Variants in CPT1C observed in about 807,000 individuals in gnomAD.
CPT1C encodes palmitoyl thioesterase CPT1C.
Under a neutral mutation model 97.3 loss-of-function variants are expected in CPT1C, and 61 were observed. The ratio of observed to expected loss-of-function variants is 0.63; its 90% CI spans 0.51 to 0.78. The LOEUF is 0.78. Ranked by LOEUF, CPT1C falls within the 30% of genes least tolerant of loss-of-function variation. The pLI, the probability that CPT1C is intolerant of heterozygous loss-of-function variation, is 0.00. For synonymous variants in CPT1C, 469 were observed against 447.2 expected (o/e 1.05, Z -0.61); for missense variants, 975 against 1,065.5 (o/e 0.92, Z 1.18).
Position 49,701,653 on chromosome 19 carries a change from A to G in CPT1C, c.693+19A>G. On this transcript the variant is annotated intron_variant, in intron 7 of 19. Coordinates refer to ENST00000598293, the MANE Select transcript of CPT1C (RefSeq NM_001199753.2). ...CAATTATGTGAGTCCCGCCACCGCC[A>G]CCAACGCCCCACCTGAAGGGCTAAG... 1 of 1,582,644 alleles carries G rather than the reference A, an allele frequency of 6.3e-7. No homozygotes were observed. Among genetic ancestry groups the G allele is most frequent in the Non-Finnish European group, 8.6e-7 (1 of 1,159,164 alleles).
chr19:49,699,675 C>T (rs1458562533), intron 4 of CPT1C, among the ~76,000 whole-genome samples: 1 of 152,092 alleles, frequency 6.6e-6, no homozygotes, highest in Non-Finnish European at 1.5e-5. Context: ...CTGACTATGG[C>T]CAGGTGCTGT....
At position 49,691,875 on chromosome 19, in the gene CPT1C, C is replaced by T. The variant is rs2082369135; in HGVS notation, c.-29C>T. The T allele has an allele frequency of 4.8e-6, 1 of 210,012 alleles. No homozygotes were observed. The highest frequency in any genetic ancestry group is 8.8e-5 in the South Asian group (1 of 11,420). 13.0% of individuals were successfully genotyped at this position (210,012 alleles called of 1,614,324 possible). A position where few individuals can be genotyped will look rare whatever the true frequency, so the allele number is the denominator to read the frequency against. On this transcript the variant is annotated 5_prime_UTR_variant, in exon 2 of 20. Transcript: ENST00000598293. ...ACCTCCGGGTCTACAAACCAGGACC[C>T]TCAAGACCCTTCAGGTGCTTAGAGA...
At position 49,702,101 on chromosome 19, in the gene CPT1C, T is replaced by TATAA. The variant is rs1322669008; in HGVS notation, c.693+471_693+474dup. Among the ~76,000 whole-genome samples the TATAA allele has an allele frequency of 2.5e-3, 218 of 86,348 alleles. 12 individuals are homozygous for TATAA. Among genetic ancestry groups the TATAA allele is most frequent in the African/African-American group, 9.1e-3 (136 of 14,956 alleles). The allele number at this position is 86,348 out of a possible 152,430, so 56.6% of individuals were successfully genotyped here. A position where few individuals can be genotyped will look rare whatever the true frequency, so the allele number is the denominator to read the frequency against. The stretch of plus-strand genomic sequence containing the variant: ...TATAAATATATATTTATTTATAAAT[T>TATAA]ATAAATATATATTTATTTATTTATA... On this transcript the variant is annotated intron_variant, in intron 7 of 19. Transcript: ENST00000598293.
chr19:49,691,445 C>G (rs796883997), intron 1 of CPT1C, 105 bp downstream of exon 1: 5 of 152,142 alleles, frequency 3.3e-5, no homozygotes, highest in African/African-American at 1.2e-4. Context: ...CGCTCGCCTC[C>G]GCTCACAGCC....
At chr19:49,694,394 G>A (rs2082539434) in intron 3 of CPT1C, among the ~76,000 whole-genome samples, 1 of 152,026 alleles carries the variant, frequency 6.6e-6, no homozygotes, top group Admixed American at 6.6e-5. Flanking sequence ...ACTTTGGGAA[G>A]CCAAGGCAGA....
At chr19:49,702,347 A>G (rs67325863) in intron 7 of CPT1C, among the ~76,000 whole-genome samples, 18,444 of 150,434 alleles carry the variant, frequency 0.12, 1,380 homozygotes, top group Non-Finnish European at 0.17. Context: ...CCCTGGTGCA[A>G]TGTCTCACGC....
chr19:49,712,586 T>G, intron 17 of CPT1C, 150 bp from the exon 18 acceptor site: 1 of 628,974 alleles, frequency 1.6e-6, no homozygotes, highest in Non-Finnish European at 2.9e-6. Context: ...CGTGGCCAGA[T>G]AGGGCGTGGT....
rs1485434030 is a variant in CPT1C, at chr19:49,713,132, C to T, written c.2226+68C>T. On this transcript the variant is annotated intron_variant, in intron 19 of 19. Transcript: ENST00000598293. ...GAACCAGGAGTCTGGGCCCCCAGCC[C>T]CTCCTCCCTCAGACCCAGGATTCCA... 2.9e-6 allele frequency: 4 copies of T among 1,370,050 alleles called. No individual in the cohort carries two copies. In the African/African-American group the frequency reaches 4.3e-5, roughly 15 times the overall value. 84.9% of individuals were successfully genotyped at this position (1,370,050 alleles called of 1,614,324 possible).
chr19:49,705,433 T>C, intron 10 of CPT1C, 135 bp downstream of exon 10: 1 of 722,950 alleles, frequency 1.4e-6, no homozygotes. Flanking sequence ...TATTACCCTC[T>C]CTGAGCCTCA....
chr19:49,711,260 A>ATTTTTTTTTTTTT (rs34561432), intron 16 of CPT1C: 2 of 135,342 alleles, frequency 1.5e-5, no homozygotes, highest in African/African-American at 2.8e-5. Flanking sequence ...TGCCCAGCTA[A>ATTTTTTTTTTTTT]TTTTTTTTTT....
chr19:49,708,557 G>A (rs914797647), intron 13 of CPT1C, among the ~76,000 whole-genome samples, 166 bp from the exon 14 acceptor site: 2 of 152,130 alleles, frequency 1.3e-5, no homozygotes, highest in Admixed American at 6.6e-5. Flanking sequence ...TGTTAGTCCT[G>A]TTCTTGATGA....
At chr19:49,704,932 T>C in intron 8 of CPT1C, 75 bp from the exon 9 acceptor site, 1 of 1,418,242 alleles carries the variant, frequency 7.1e-7, no homozygotes. Context: ...GGTCAGGACC[T>C]GTATTTGGGT....
In CPT1C at chr19:49,713,045, A is replaced by G. The variant is rs199745149; in HGVS notation, c.2207A>G (p.Lys736Arg). Residue 736 changes from lysine (K) to arginine (R), a missense_variant, in exon 19 of 20, where the codon AAA (lysine) becomes AGA (arginine). Lys to Arg is a conservative substitution (Grantham distance 26). Around this residue, in one of 3 missense-constraint regions of CPT1C, gnomAD observed 344 missense variants for 395.7 expected, o/e 0.87. Transcript: ENST00000598293. ...DGMITFHISS[K>R]KSSTKTDSHR... ...ATGATCACCTTCCACATCTCCAGCA[A>G]AAAATCAAGCACAAAAACGGTGAGA... is the stretch of plus-strand genomic sequence containing the variant. 2 of 1,614,044 alleles carry G rather than the reference A, an allele frequency of 1.2e-6. No individual in the cohort carries two copies. The highest frequency in any genetic ancestry group is 2.2e-5 in the East Asian group (1 of 44,870).
rs1027594022 is a variant in CPT1C at position 49,700,272 on chromosome 19, A to AC, written c.282-412_282-411insC. On this transcript the variant is annotated intron_variant, in intron 4 of 19. Transcript: ENST00000598293. ...AAAAACAAAACAAAACAAAAAAAAA[A>AC]ACGCTGATTGCTGGACCCCACCCTG... 1.5e-3 allele frequency among the ~76,000 whole-genome samples: 218 copies of AC among 149,164 alleles called. 1 individual carries two copies. The highest frequency in any genetic ancestry group is 5.1e-3 in the African/African-American group (209 of 41,000).
intron 4 of CPT1C, chr19:49,697,754 A>G (rs2082749825): frequency 3.7e-6 from 1 of 266,910 alleles, no homozygotes; most frequent in Non-Finnish European, 7.1e-6. Flanking sequence ...TCTACTAAAA[A>G]TACAAAAATT....
intron 10 of CPT1C, 54 bp from the exon 11 acceptor site, chr19:49,705,855 A>AT: frequency 6.7e-7 from 1 of 1,502,868 alleles, no homozygotes; most frequent in Non-Finnish European, 9.1e-7. Context: ...AATGGTCACT[A>AT]TTTTTATGTG....
upstream of CPT1C, chr19:49,690,693 C>A (rs912984996): frequency 1.2e-5 from 6 of 521,598 alleles, no homozygotes; most frequent in African/African-American, 9.7e-5. The surrounding 1 kb of genome is among the most constrained non-coding windows in gnomAD (Gnocchi z 4.4). Context: ...ACCTTGAATC[C>A]AACCCGCTGT....
chr19:49,695,747 C>T (rs569585213), intron 3 of CPT1C, among the ~76,000 whole-genome samples: 5 of 151,464 alleles, frequency 3.3e-5, no homozygotes, highest in Non-Finnish European at 7.4e-5. Flanking sequence ...CCACGCCAAG[C>T]TAATTTTGTA....
chr19:49,700,112 T>A (rs1328852518), intron 4 of CPT1C, among the ~76,000 whole-genome samples: 1 of 151,150 alleles, frequency 6.6e-6, no homozygotes, highest in East Asian at 1.9e-4. Context: ...CCGGGCGTGG[T>A]GGTGGGCACC....
Sources: gnomAD v4.1 joint callset for allele counts (sites outside exome capture counted in the v4.1 genomes callset) on GRCh38, gnomAD v4.1.1 for gene constraint, gnomAD v4.1.1 regional missense constraint, Gnocchi (gnomAD v3.1) non-coding constraint, MANE v1.5 for transcripts, NCBI Gene and HGNC (gene_info 2026-07-23, HGNC 2026-07-21) for gene names.